The following TIMP3 variants were observed in gnomAD, a reference collection of about 807,000 sequenced individuals.
TIMP3 encodes the protein TIMP metallopeptidase inhibitor 3.
TIMP3 carries 11 observed loss-of-function variants against 30.0 expected under a neutral mutation model. The observed-to-expected ratio is 0.37, with a 90% CI of 0.23 to 0.61. The LOEUF is 0.61. Among genes scored for constraint, TIMP3 ranks in the 20% least tolerant of loss-of-function variants. TIMP3 has a pLI of 0.70. For synonymous variants in TIMP3, 112 were observed against 111.3 expected (o/e 1.01, Z -0.04); for missense variants, 181 against 276.8 (o/e 0.65, Z 2.45).
rs397805888 is a variant in TIMP3 at position 32,834,334 on chromosome 22, T to TG, written c.122-15117dup. Reference sequence around the variant, plus strand: ...CATCTGGCTAATTTATTTTTTTTTTTGTATTTTTAGTAGAAACGGGGTTCC... The same window carrying TG: ...CATCTGGCTAATTTATTTTTTTTTTTGGTATTTTTAGTAGAAACGGGGTTCC... On this transcript the variant is annotated intron_variant, in intron 1 of 4. Coordinates refer to ENST00000266085, the MANE Select transcript of TIMP3 (RefSeq NM_000362.5). 6.6e-5 allele frequency among the ~76,000 whole-genome samples: 10 copies of TG among 151,796 alleles called. No homozygotes were observed. The East Asian group carries it at 1.9e-3, about 29-fold the overall frequency.
chr22:32,843,874 C>T (rs2047985672), intron 1 of TIMP3, among the ~76,000 whole-genome samples: 3 of 152,070 alleles, frequency 2.0e-5, no homozygotes, highest in Non-Finnish European at 4.4e-5. Context: ...AAAAACCATG[C>T]CTTAAAGCAG....
At chr22:32,814,244 AGAAG>A (rs1272864830) in intron 1 of TIMP3, among the ~76,000 whole-genome samples, 1 of 145,442 alleles carries the variant, frequency 6.9e-6, no homozygotes, top group African/African-American at 2.7e-5. Context: ...AAAGAAAGAA[AGAAG>A]GAAAGAAAGA....
At chr22:32,840,914 C>A (rs140655869) in intron 1 of TIMP3, among the ~76,000 whole-genome samples, 2 of 152,312 alleles carry the variant, frequency 1.3e-5, no homozygotes, top group African/African-American at 4.8e-5. Context: ...CCTTATGTAT[C>A]TCTCTATCCC....
chr22:32,809,251 C>T (rs1367226238), intron 1 of TIMP3, among the ~76,000 whole-genome samples: 3 of 152,122 alleles, frequency 2.0e-5, no homozygotes, highest in Non-Finnish European at 4.4e-5. Context: ...CCTGTGTTTC[C>T]AATCAGTCTC....
At chr22:32,840,006 G>A (rs190542462) in intron 1 of TIMP3, among the ~76,000 whole-genome samples, 4 of 152,016 alleles carry the variant, frequency 2.6e-5, no homozygotes, top group Admixed American at 1.3e-4. Flanking sequence ...CCCCTTCCCC[G>A]GGAGGTCCAG....
chr22:32,803,250 G>A (rs1168950331), intron 1 of TIMP3, among the ~76,000 whole-genome samples: 3 of 152,078 alleles, frequency 2.0e-5, no homozygotes, highest in African/African-American at 7.2e-5. Flanking sequence ...GAGCGTGTGT[G>A]TTTTAAGTAC....
chr22:32,827,536 T>C (rs1050582138), intron 1 of TIMP3, among the ~76,000 whole-genome samples: 6 of 152,216 alleles, frequency 3.9e-5, no homozygotes, highest in African/African-American at 1.4e-4. Flanking sequence ...CATGTGAGCT[T>C]TACAATGACC....
At chr22:32,841,470 G>A (rs1312144775) in intron 1 of TIMP3, among the ~76,000 whole-genome samples, 1 of 152,178 alleles carries the variant, frequency 6.6e-6, no homozygotes, top group Non-Finnish European at 1.5e-5. Flanking sequence ...GTGCTAGGGT[G>A]TGCAGTAGAG....
At chr22:32,855,726 C>T (rs907172216) in intron 2 of TIMP3, among the ~76,000 whole-genome samples, 1 of 152,122 alleles carries the variant, frequency 6.6e-6, no homozygotes, top group Non-Finnish European at 1.5e-5. Context: ...TAGCAACCTC[C>T]CTACCCTCTA....
chr22:32,845,892 ATT>A (rs1387825154), intron 1 of TIMP3, among the ~76,000 whole-genome samples: 2 of 152,202 alleles, frequency 1.3e-5, no homozygotes, highest in Admixed American at 6.5e-5. Flanking sequence ...GAGAACCCTG[ATT>A]GCCAAACAGG....
chr22:32,824,420 C>T (rs1043175678), intron 1 of TIMP3, among the ~76,000 whole-genome samples: 6 of 151,556 alleles, frequency 4.0e-5, no homozygotes, highest in Admixed American at 3.9e-4. Flanking sequence ...GGGAGTGAGA[C>T]AATCTCAGGA....
intron 1 of TIMP3, among the ~76,000 whole-genome samples, chr22:32,838,227 A>C (rs2047791380): frequency 6.6e-6 from 1 of 152,246 alleles, no homozygotes; most frequent in Non-Finnish European, 1.5e-5. Context: ...TGAGTGAATC[A>C]ATGAATTTCA....
Position 32,849,433 on chromosome 22 carries a change from T to A in TIMP3, c.122-19T>A, listed in dbSNP as rs1244315511. ...TTCAGGCCTTCCTAACCTCTTATTGTCTCCTTCTGTCTCTGCAGTGATCCG... is the reference window on the plus strand; with the variant it reads ...TTCAGGCCTTCCTAACCTCTTATTGACTCCTTCTGTCTCTGCAGTGATCCG... On this transcript the variant is annotated intron_variant, in intron 1 of 4. Transcript: ENST00000266085. 1.7e-5 allele frequency: 27 copies of A among 1,611,946 alleles called. No individual in the cohort carries two copies. Among genetic ancestry groups the A allele is most frequent in the Non-Finnish European group, 2.2e-5 (26 of 1,178,882 alleles).
intron 1 of TIMP3, among the ~76,000 whole-genome samples, chr22:32,821,489 T>C (rs571641100): frequency 6.6e-6 from 1 of 152,334 alleles, no homozygotes; most frequent in Non-Finnish European, 1.5e-5. Flanking sequence ...ATTAATATAA[T>C]GGATGGTCCA....
In TIMP3 at chr22:32,805,749, C is replaced by T. The variant is rs558001059; in HGVS notation, c.121+3627C>T. 3.6e-4 allele frequency among the ~76,000 whole-genome samples: 54 copies of T among 151,574 alleles called. 1 individual carries two copies. Among genetic ancestry groups the T allele is most frequent in the African/African-American group, 1.3e-3 (52 of 41,382 alleles). On this transcript the variant is annotated intron_variant, in intron 1 of 4. Coordinates refer to ENST00000266085, the MANE Select transcript of TIMP3 (RefSeq NM_000362.5). Reference sequence around the variant, plus strand: ...CAGTTGCTAAATGATAAAGCTAAAACGTATTATCAGTTATACCATGCTTCA... The same window carrying T: ...CAGTTGCTAAATGATAAAGCTAAAATGTATTATCAGTTATACCATGCTTCA...
At chr22:32,802,596 C>T (rs183204970) in intron 1 of TIMP3, among the ~76,000 whole-genome samples, 1 of 152,092 alleles carries the variant, frequency 6.6e-6, no homozygotes, top group Non-Finnish European at 1.5e-5. Context: ...TCATCTCCTG[C>T]GCCTATGAAA....
intron 1 of TIMP3, among the ~76,000 whole-genome samples, chr22:32,807,659 CAAGGA>C (rs1260974120): frequency 2.0e-5 from 3 of 150,458 alleles, no homozygotes; most frequent in Non-Finnish European, 4.4e-5. Context: ...ATACTGCTAG[CAAGGA>C]ATACAGCCTG....
chr22:32,827,931 C>G (rs1316405969), intron 1 of TIMP3, among the ~76,000 whole-genome samples: 1 of 152,182 alleles, frequency 6.6e-6, no homozygotes, highest in East Asian at 1.9e-4. Context: ...CAAATGTCAC[C>G]TTCGTAGAGA....
In TIMP3 at chr22:32,817,746, C is replaced by T. The variant is rs567248944; in HGVS notation, c.121+15624C>T. 4.9e-4 allele frequency among the ~76,000 whole-genome samples: 75 copies of T among 152,222 alleles called. 1 individual carries two copies. Among genetic ancestry groups the T allele is most frequent in the African/African-American group, 1.7e-3 (70 of 41,524 alleles). On this transcript the variant is annotated intron_variant, in intron 1 of 4. Coordinates refer to ENST00000266085, the MANE Select transcript of TIMP3 (RefSeq NM_000362.5). ...TTAAATCCTAGGATCTTGTTTATAC[C>T]GTTAAGGACATGATTGAAGGACATT...
Sources: allele counts gnomAD v4.1 joint callset (sites outside exome capture counted in the v4.1 genomes callset), GRCh38; gene constraint gnomAD v4.1.1; transcripts MANE v1.5; gene names NCBI Gene and HGNC (gene_info 2026-07-23, HGNC 2026-07-21).